The following LRP1B variants were observed in gnomAD, a reference collection of about 807,000 sequenced individuals.
LRP1B encodes the protein low-density lipoprotein receptor-related protein 1B.
Under a neutral mutation model 556.6 loss-of-function variants are expected in LRP1B, and 217 were observed. The observed-to-expected ratio is 0.39, with a 90% CI of 0.35 to 0.44. The LOEUF is 0.44. LRP1B is among the 20% of genes least tolerant of loss of function. The pLI is 1.00. For missense variants in LRP1B, 5,053 were observed against 5,620.8 expected, an observed-to-expected ratio of 0.90 and a Z score of 3.23; for synonymous variants, 2,047 against 1,865.8, an observed-to-expected ratio of 1.10 and a Z score of -2.50.
chr2:141,334,273 A>G (rs1687765497), intron 3 of LRP1B, among the ~76,000 whole-genome samples: 1 of 152,066 alleles, frequency 6.6e-6, no homozygotes, highest in African/African-American at 2.4e-5. Flanking sequence ...ATGGTTTAAA[A>G]CCATCCCACC....
chr2:140,989,515 T>C lies in LRP1B; in HGVS notation c.2770+17A>G, dbSNP rs1197147352. ...ACTTTGGAGGAGATTTACGTGTATATCCAAGCAAACCTTTACCTGTGCAAG... is the reference window on the plus strand; with the variant it reads ...ACTTTGGAGGAGATTTACGTGTATACCCAAGCAAACCTTTACCTGTGCAAG... On this transcript the variant is annotated intron_variant, in intron 17 of 90. Transcript: ENST00000389484. The C allele has an allele frequency of 1.2e-6, 2 of 1,612,104 alleles. No homozygotes were observed. Among genetic ancestry groups the C allele is most frequent in the African/African-American group, 1.3e-5 (1 of 74,830 alleles).
chr2:141,751,845 A>G (rs900449898), intron 2 of LRP1B, among the ~76,000 whole-genome samples: 6 of 150,736 alleles, frequency 4.0e-5, no homozygotes, highest in South Asian at 2.1e-4. Context: ...TCATATTTTC[A>G]TATCTAGTAT....
At chr2:140,327,549 C>A (rs1680552916) in intron 79 of LRP1B, among the ~76,000 whole-genome samples, 1 of 151,894 alleles carries the variant, frequency 6.6e-6, no homozygotes, top group Non-Finnish European at 1.5e-5. Context: ...TGCTGCTGCT[C>A]CTATAGTTCA....
intron 5 of LRP1B, among the ~76,000 whole-genome samples, chr2:141,233,203 C>T (rs149449707): frequency 6.6e-6 from 1 of 152,274 alleles, no homozygotes; most frequent in Non-Finnish European, 1.5e-5. Context: ...AGGTAATGAA[C>T]ATTAACCTTC....
At chr2:140,388,332 T>A (rs1164069607) in intron 66 of LRP1B, among the ~76,000 whole-genome samples, 2 of 152,140 alleles carry the variant, frequency 1.3e-5, no homozygotes, top group African/African-American at 4.8e-5. Context: ...TGTAATCCAG[T>A]TTTATAGCAC....
intron 3 of LRP1B, among the ~76,000 whole-genome samples, chr2:141,440,192 A>G (rs1680909652): frequency 1.3e-5 from 2 of 152,332 alleles, no homozygotes; most frequent in South Asian, 2.1e-4. Flanking sequence ...GTTTGAGCAA[A>G]GGCGAGGAGT....
rs529464707 is a variant in LRP1B, at chr2:140,702,550, G to C, written c.6027C>G (p.Leu2009=). Residue 2009 remains leucine (L), a synonymous_variant, in exon 38 of 91, where the codon CTC becomes CTG. Transcript: ENST00000389484. ...TTTGTCCCCATTCAGTCCAGAACAA[G>C]AGGCTGAAATTAAATTGTTAATTTG... ...RSIAVHPEKG[L]LFWTEWGQMP... 20 of 1,612,880 alleles carry C rather than the reference G, an allele frequency of 1.2e-5. No homozygotes were observed. Among genetic ancestry groups the C allele is most frequent in the Non-Finnish European group, 1.7e-5 (20 of 1,179,360 alleles).
At position 141,589,334 on chromosome 2, in the gene LRP1B, G is replaced by T. The variant is rs867404165; in HGVS notation, c.206-108801C>A. Among the ~76,000 whole-genome samples the T allele has an allele frequency of 2.0e-5, 3 of 152,098 alleles. 1 individual carries two copies. The South Asian group carries it at 6.2e-4, about 32-fold the overall frequency. On this transcript the variant is annotated intron_variant, in intron 2 of 90. Coordinates refer to ENST00000389484, the MANE Select transcript of LRP1B (RefSeq NM_018557.3). ...CCATAGCGACCTCTGACCATCATTAGGTGTACCAATTATAGTATAGCAGTA... is the reference window on the plus strand; with the variant it reads ...CCATAGCGACCTCTGACCATCATTATGTGTACCAATTATAGTATAGCAGTA...
chr2:142,061,594 C>T (rs894701336), intron 1 of LRP1B, among the ~76,000 whole-genome samples: 1 of 151,876 alleles, frequency 6.6e-6, no homozygotes, highest in Admixed American at 6.6e-5. Flanking sequence ...AAACATTATT[C>T]AATGTATGCA....
chr2:141,299,620 A>G (rs1438961549), intron 3 of LRP1B, among the ~76,000 whole-genome samples: 9 of 152,198 alleles, frequency 5.9e-5, no homozygotes, highest in Non-Finnish European at 1.2e-4. Context: ...CCTTTCTTCT[A>G]GCAGTAATTG....
intron 6 of LRP1B, among the ~76,000 whole-genome samples, chr2:141,209,245 C>T (rs1159245081): frequency 6.6e-6 from 1 of 152,160 alleles, no homozygotes; most frequent in South Asian, 2.1e-4. Flanking sequence ...GTAGTCGAAT[C>T]ATGAGGGTGT....
intron 43 of LRP1B, among the ~76,000 whole-genome samples, chr2:140,555,637 C>A (rs1026717300): frequency 3.9e-5 from 6 of 152,030 alleles, no homozygotes; most frequent in African/African-American, 1.4e-4. Flanking sequence ...GCTTTAAAAT[C>A]TTAAATATTC....
At chr2:141,596,159 C>A (rs1026965996) in intron 2 of LRP1B, among the ~76,000 whole-genome samples, 6 of 151,952 alleles carry the variant, frequency 3.9e-5, no homozygotes, top group African/African-American at 1.4e-4. Context: ...CCTAGCTACT[C>A]CGATCCTTAC....
At chr2:141,232,079 G>T (rs987258205) in intron 5 of LRP1B, among the ~76,000 whole-genome samples, 2 of 152,120 alleles carry the variant, frequency 1.3e-5, no homozygotes, top group Non-Finnish European at 2.9e-5. Flanking sequence ...CCACATCTGA[G>T]CCTGGTTAGC....
chr2:140,256,700 C>T (rs1214456020), intron 86 of LRP1B, among the ~76,000 whole-genome samples: 1 of 151,384 alleles, frequency 6.6e-6, no homozygotes, highest in Non-Finnish European at 1.5e-5. Context: ...ATCTCTTGAC[C>T]TTGTGATCCG....
intron 1 of LRP1B, among the ~76,000 whole-genome samples, chr2:142,044,180 G>A (rs530722235): frequency 2.0e-5 from 3 of 151,476 alleles, no homozygotes; most frequent in East Asian, 3.9e-4. Context: ...TTTTTTGCTG[G>A]TACTACAAGA....
chr2:141,822,114 C>CAGAGAGAGAG (rs1220162057), intron 1 of LRP1B, among the ~76,000 whole-genome samples: 3 of 111,552 alleles, frequency 2.7e-5, no homozygotes, highest in African/African-American at 4.2e-5. Flanking sequence ...CACACACACA[C>CAGAGAGAGAG]ACACACACAC....
intron 11 of LRP1B, among the ~76,000 whole-genome samples, chr2:141,036,130 A>G (rs1036687543): frequency 7.2e-5 from 11 of 152,128 alleles, no homozygotes; most frequent in Admixed American, 7.2e-4. Flanking sequence ...AGCAAAATAC[A>G]TTGAAATGCA....
At chr2:140,546,025 T>TGTGTGTGTGC (rs1680325280) in intron 43 of LRP1B, among the ~76,000 whole-genome samples, 1 of 151,596 alleles carries the variant, frequency 6.6e-6, no homozygotes, top group African/African-American at 2.4e-5. Context: ...TGTGTGTGTG[T>TGTGTGTGTGC]GTGTGTGTGT....
Sources: allele counts gnomAD v4.1 joint callset (sites outside exome capture counted in the v4.1 genomes callset), GRCh38; gene constraint gnomAD v4.1.1; transcripts MANE v1.5; gene names NCBI Gene and HGNC (gene_info 2026-07-23, HGNC 2026-07-21).